The following CEP250 variants were observed in gnomAD, a reference collection of about 807,000 sequenced individuals.
CEP250 encodes centrosome-associated protein CEP250.
A neutral mutation model predicts 315.7 loss-of-function variants in CEP250; 242 were observed. That is an observed-to-expected ratio of 0.77 (90% CI 0.69 to 0.85). CEP250 has a LOEUF of 0.85. Among genes scored for constraint, CEP250 ranks in the 40% least tolerant of loss-of-function variants. The pLI, the probability that CEP250 is intolerant of heterozygous loss-of-function variation, is 0.00. For missense variants in CEP250, 2,515 were observed against 2,886.4 expected (o/e 0.87, Z 2.95); for synonymous variants, 1,088 against 1,175.0 (o/e 0.93, Z 1.51).
intron 34 of CEP250, 44 bp from the exon 35 acceptor site, chr20:35,511,319 G>A (rs2064349301): frequency 2.2e-5 from 34 of 1,520,996 alleles, no homozygotes; most frequent in Non-Finnish European, 3.0e-5. Flanking sequence ...CAACTTCAGG[G>A]CCCTCAGCTG....
At chr20:35,477,561 A>G (rs1407069435) in intron 16 of CEP250, among the ~76,000 whole-genome samples, 2 of 152,240 alleles carry the variant, frequency 1.3e-5, no homozygotes, top group African/African-American at 4.8e-5. Context: ...TTATAAATTT[A>G]ACCTATAATT....
chr20:35,502,804 AT>A lies in CEP250; in HGVS notation c.4437del (p.Gln1480ArgfsTer3). 6.2e-7 allele frequency: 1 copy of A among 1,614,210 alleles called. No homozygotes were observed. Among genetic ancestry groups the A allele is most frequent in the African/African-American group, 1.3e-5 (1 of 75,060 alleles). ...AGAGGTAGATCTGCAGCAAGAACAG[AT>A]TCAGGAGCTAGAGAAGTGTAGGTCT... ...NQEVDLQQEQ[I>X]QELEKCRSVL... On this transcript the variant is annotated frameshift_variant, in exon 30 of 35. Coordinates refer to ENST00000397527, the MANE Select transcript of CEP250 (RefSeq NM_007186.6). LOFTEE classifies it high-confidence loss of function.
rs1231397465 is a variant in CEP250 at position 35,515,458 on chromosome 20, C to T, written c.*3832C>T. 2 of 152,246 alleles carry T rather than the reference C, an allele frequency of 1.3e-5. No homozygotes were observed. Among genetic ancestry groups the T allele is most frequent in the African/African-American group, 2.4e-5 (1 of 41,448 alleles). 9.4% of individuals were successfully genotyped at this position (152,246 alleles called of 1,614,324 possible). On this transcript the variant is annotated 3_prime_UTR_variant, in exon 35 of 35. Transcript: ENST00000397527. ...GTAGATGCGGGGCTGAATTGAGCAG[C>T]CACAGAACCTCTGCAGCTCTGGGGC...
At position 35,511,673 on chromosome 20, in the gene CEP250, T is replaced by C. The variant is rs760467196; in HGVS notation, c.*47T>C. 2.6e-6 allele frequency: 4 copies of C among 1,566,586 alleles called. No individual in the cohort carries two copies. Among genetic ancestry groups the C allele is most frequent in the Non-Finnish European group, 3.5e-6 (4 of 1,152,624 alleles). ...AGACAGAAGACTGTGTCATGGGTCA[T>C]GGCCCCTCCGCACACCTACAGGTTT... On this transcript the variant is annotated 3_prime_UTR_variant, in exon 35 of 35. Coordinates refer to ENST00000397527, the MANE Select transcript of CEP250 (RefSeq NM_007186.6).
chr20:35,482,186 C>T (rs1456978929), intron 20 of CEP250, among the ~76,000 whole-genome samples: 2 of 152,036 alleles, frequency 1.3e-5, no homozygotes, highest in African/African-American at 4.8e-5. Flanking sequence ...GAGAAGTTAG[C>T]TTTCATTTTA....
At chr20:35,460,415 C>T (rs2062727699) in intron 3 of CEP250, among the ~76,000 whole-genome samples, 1 of 152,178 alleles carries the variant, frequency 6.6e-6, no homozygotes, top group Non-Finnish European at 1.5e-5. Context: ...CTGAAATATG[C>T]TATCATTGTG....
In CEP250 at chr20:35,504,117, G is replaced by C; in HGVS notation, c.5748G>C (p.Glu1916Asp). 6.2e-7 allele frequency: 1 copy of C among 1,613,558 alleles called. No homozygotes were observed. Among genetic ancestry groups the C allele is most frequent in the Non-Finnish European group, 8.5e-7 (1 of 1,179,704 alleles). ...AGCAGTGTGCTGAGCAGGCACAGGA[G>C]CATGAGGTGGAGACCAGGGCCCTGC... ...LQQQCAEQAQEHEVETRALQD... is the reference protein window; with the variant it reads ...LQQQCAEQAQDHEVETRALQD... Residue 1916 changes from glutamate to aspartate, a missense_variant, in exon 30 of 35, where the codon GAG (glutamate) becomes GAC (aspartate). Transcript: ENST00000397527.
At chr20:35,466,941 A>G (rs1271355708) in intron 7 of CEP250, 25 bp from the exon 8 acceptor site, 2 of 1,495,740 alleles carry the variant, frequency 1.3e-6, no homozygotes, top group Non-Finnish European at 9.3e-7. Context: ...GCCTTTGGGT[A>G]TGACCTGGGT....
intron 24 of CEP250, 82 bp downstream of exon 24, chr20:35,494,739 C>A: frequency 6.6e-7 from 1 of 1,517,850 alleles, no homozygotes; most frequent in Non-Finnish European, 9.0e-7. Flanking sequence ...TTTGCTCAGG[C>A]CACCTTGCCT....
chr20:35,495,663 A>T (rs1332737977), intron 24 of CEP250, among the ~76,000 whole-genome samples: 2 of 152,302 alleles, frequency 1.3e-5, no homozygotes, highest in East Asian at 3.9e-4. Context: ...AGGCAGGAGA[A>T]TTGCTTGAAC....
At position 35,455,672 on chromosome 20, in the gene CEP250, C is replaced by T. The variant is rs966582295; in HGVS notation, c.-377C>T. Reference sequence around the variant, plus strand: ...TGAAGTATCGCTTCTCAGCCGCCTTCTCCAGGCGCAGCTGCATTCGCTTCT... The same window carrying T: ...TGAAGTATCGCTTCTCAGCCGCCTTTTCCAGGCGCAGCTGCATTCGCTTCT... On this transcript the variant is annotated 5_prime_UTR_variant, in exon 1 of 35. Transcript: ENST00000397527. The T allele has an allele frequency of 5.3e-5, 8 of 152,254 alleles. No individual in the cohort carries two copies. The highest frequency in any genetic ancestry group is 1.9e-4 in the African/African-American group (8 of 41,448). The allele number at this position is 152,254 out of a possible 1,614,324, so 9.4% of individuals were successfully genotyped here.
upstream of CEP250, chr20:35,455,172 C>CT (rs1442400524): frequency 2.0e-5 from 3 of 152,272 alleles, no homozygotes; most frequent in Non-Finnish European, 4.4e-5. Context: ...CCCGCAGGGC[C>CT]TTAGCAGCGG....
At chr20:35,470,938 A>C (rs1040868438) in intron 10 of CEP250, among the ~76,000 whole-genome samples, 47 of 152,298 alleles carry the variant, frequency 3.1e-4, no homozygotes, top group African/African-American at 1.1e-3. Flanking sequence ...ATGTTATCAG[A>C]GGGCTTCTCT....
At chr20:35,491,422 ACTT>A (rs1253483931) in intron 22 of CEP250, 76 bp downstream of exon 22, 2 of 1,479,862 alleles carry the variant, frequency 1.4e-6, no homozygotes, top group Non-Finnish European at 1.8e-6. Context: ...GTTCTTGGGC[ACTT>A]CTTATGTGCC....
intron 16 of CEP250, 141 bp from the exon 17 acceptor site, chr20:35,477,730 T>C (rs901672710): frequency 2.9e-6 from 2 of 701,256 alleles, no homozygotes; most frequent in Middle Eastern, 4.1e-4. Flanking sequence ...ATGAATGGAT[T>C]TTCCCCCATC....
intron 15 of CEP250, 173 bp from the exon 16 acceptor site, chr20:35,476,276 C>A (rs2063170915): frequency 5.2e-6 from 3 of 577,612 alleles, no homozygotes; most frequent in Non-Finnish European, 9.2e-6. Flanking sequence ...ACTGTGAGGT[C>A]CTGTCTCACT....
chr20:35,457,455 C>T (rs909514978), intron 1 of CEP250, among the ~76,000 whole-genome samples: 2 of 152,044 alleles, frequency 1.3e-5, no homozygotes, highest in African/African-American at 4.8e-5. Flanking sequence ...CCTCGAACTC[C>T]TTGGCTCAAG....
chr20:35,505,874 G>A (rs2064173102), intron 30 of CEP250, among the ~76,000 whole-genome samples: 1 of 152,166 alleles, frequency 6.6e-6, no homozygotes, highest in Non-Finnish European at 1.5e-5. Flanking sequence ...GAGGACCTGG[G>A]TGGTGGGAAG....
rs770269509 is a variant in CEP250 at position 35,467,353 on chromosome 20, T to C, written c.649T>C (p.Leu217=). ...AEHVRLSGSL[L]TCCLRLTVGA... ...GCATGTGAGGCTTTCAGGGTCTCTG[T>C]TGACCTGTTGTCTGCGCTTGACTGT... The change falls in exon 9 of 35, where the codon TTG becomes CTG. Residue 217 remains leucine (L), a synonymous_variant. Transcript: ENST00000397527. 1 of 1,614,176 alleles carries C rather than the reference T, an allele frequency of 6.2e-7. No individual in the cohort carries two copies. The highest frequency in any genetic ancestry group is 1.7e-5 in the Admixed American group (1 of 60,016).
Sources: gnomAD v4.1 joint callset for allele counts (sites outside exome capture counted in the v4.1 genomes callset) on GRCh38, gnomAD v4.1.1 for gene constraint, MANE v1.5 for transcripts, NCBI Gene and HGNC (gene_info 2026-07-23, HGNC 2026-07-21) for gene names.